ANO4: variants seen among roughly 807,000 people sequenced by gnomAD.
The protein encoded by ANO4 is anoctamin-4.
A neutral mutation model predicts 141.9 loss-of-function variants in ANO4; 69 were observed. The observed-to-expected ratio is 0.49, with a 90% CI of 0.40 to 0.59. The LOEUF is 0.59. Among genes scored for constraint, ANO4 ranks in the 20% least tolerant of loss-of-function variants. ANO4 has a pLI of 0.00. For missense variants in ANO4, 894 were observed against 1,162.2 expected (o/e 0.77, Z 3.36); for synonymous variants, 350 against 394.3 (o/e 0.89, Z 1.33).
At chr12:100,971,196 GC>G (rs2043919264) in intron 5 of ANO4, 109 bp from the exon 6 acceptor site, 2 of 647,046 alleles carry the variant, frequency 3.1e-6, no homozygotes, top group Non-Finnish European at 5.2e-6. Flanking sequence ...GGTGAGGAAT[GC>G]CCCAAATCAT....
chr12:100,735,515 G>T (rs1481424984), intron 2 of ANO4, among the ~76,000 whole-genome samples: 1 of 152,114 alleles, frequency 6.6e-6, no homozygotes, highest in African/African-American at 2.4e-5. Flanking sequence ...TTATTATGGT[G>T]GTGAACAGGA....
chr12:101,098,030 G>T, intron 21 of ANO4, 85 bp downstream of exon 21: 1 of 1,243,274 alleles, frequency 8.0e-7, no homozygotes, highest in South Asian at 1.3e-5. Context: ...AAGCAATGCA[G>T]ACTCAGCAGT....
intron 8 of ANO4, among the ~76,000 whole-genome samples, chr12:101,010,846 A>G (rs34318075): frequency 0.3 from 45,336 of 152,160 alleles, 7,432 homozygotes; most frequent in Non-Finnish European, 0.38. Flanking sequence ...GCTACATAAC[A>G]ATCTACTACA....
At position 100,730,615 on chromosome 12, in the gene ANO4, G is replaced by A. The variant is rs139218012; in HGVS notation, c.23-3159G>A. The stretch of plus-strand genomic sequence containing the variant: ...ATGCCAGCCACAGCACTAAACTCTG[G>A]AAATTGCAAATTGGATAACATGTGG... On this transcript the variant is annotated intron_variant, in intron 1 of 29. Coordinates refer to the ANO4 transcript ENST00000644049. 4.3e-3 allele frequency among the ~76,000 whole-genome samples: 654 copies of A among 152,200 alleles called. 8 individuals carry two copies. The highest frequency in any genetic ancestry group is 0.015 in the African/African-American group (609 of 41,512).
intron 1 of ANO4, among the ~76,000 whole-genome samples, chr12:100,818,908 T>A (rs1163146645): frequency 1.3e-5 from 2 of 151,860 alleles, no homozygotes; most frequent in Admixed American, 6.6e-5. Flanking sequence ...TTCAAAATTT[T>A]TGTAGTGCTA....
chr12:100,934,432 A>G (rs1005020399), intron 3 of ANO4, among the ~76,000 whole-genome samples: 10 of 151,378 alleles, frequency 6.6e-5, no homozygotes, highest in African/African-American at 2.2e-4. Context: ...ATTTCTGAGG[A>G]CTCTGTTCCG....
At chr12:100,856,602 G>A (rs906014317) in intron 1 of ANO4, among the ~76,000 whole-genome samples, 1 of 152,126 alleles carries the variant, frequency 6.6e-6, no homozygotes, top group African/African-American at 2.4e-5. Context: ...TTTCAGCTTG[G>A]CAAGAAGGAT....
At chr12:100,928,334 C>A (rs1469041746) in intron 3 of ANO4, among the ~76,000 whole-genome samples, 1 of 152,004 alleles carries the variant, frequency 6.6e-6, no homozygotes, top group African/African-American at 2.4e-5. Context: ...CTATGTAAAG[C>A]CTTTAACATA....
At chr12:101,068,150 A>G in intron 14 of ANO4, 1 of 839,626 alleles carries the variant, frequency 1.2e-6, no homozygotes, top group Non-Finnish European at 1.6e-6. Context: ...GGTTAAGAAA[A>G]AACAGGAGTT....
chr12:100,954,733 C>A lies in ANO4; in HGVS notation c.456+12198C>A, dbSNP rs59475980. ...TGAAATCTAACACCTGCCTTTGAGA[C>A]AGAGGAGCAGCTATTTCTGTTTTTT... On this transcript the variant is annotated intron_variant, in intron 5 of 27. Transcript: ENST00000392977. Among the ~76,000 whole-genome samples the A allele has an allele frequency of 1.3e-5, 2 of 152,158 alleles. 1 individual carries two copies. Among genetic ancestry groups the A allele is most frequent in the South Asian group, 4.1e-4 (2 of 4,830 alleles).
chr12:100,778,182 G>A, intron 3 of ANO4, among the ~76,000 whole-genome samples: 1 of 152,142 alleles, frequency 6.6e-6, no homozygotes, highest in Non-Finnish European at 1.5e-5. Context: ...GCCTCCCAAA[G>A]TGCTGGGATT....
intron 2 of ANO4, among the ~76,000 whole-genome samples, chr12:100,918,405 C>CT (rs1231239617): frequency 6.6e-6 from 1 of 152,172 alleles, no homozygotes; most frequent in East Asian, 1.9e-4. Flanking sequence ...CATTTCACAG[C>CT]TGAGGGATAA....
intron 22 of ANO4, among the ~76,000 whole-genome samples, chr12:101,106,199 C>T (rs1202090837): frequency 6.6e-6 from 1 of 151,980 alleles, no homozygotes; most frequent in Non-Finnish European, 1.5e-5. Flanking sequence ...AAAATCCAAA[C>T]AAGCCCAGAG....
chr12:100,989,116 C>T (rs1261608927), intron 8 of ANO4, among the ~76,000 whole-genome samples: 1 of 152,068 alleles, frequency 6.6e-6, no homozygotes, highest in South Asian at 2.1e-4. Context: ...CTGAAATAGC[C>T]GAGCTGATCC....
At chr12:100,945,352 A>C (rs1450899965) in intron 5 of ANO4, among the ~76,000 whole-genome samples, 1 of 152,210 alleles carries the variant, frequency 6.6e-6, no homozygotes, top group Non-Finnish European at 1.5e-5. Flanking sequence ...CTGATTAGTC[A>C]ACACATAAGT....
At chr12:100,926,255 G>A (rs752637802) in intron 3 of ANO4, among the ~76,000 whole-genome samples, 2 of 152,078 alleles carry the variant, frequency 1.3e-5, no homozygotes, top group African/African-American at 2.4e-5. Flanking sequence ...TACATTTACA[G>A]TATTTTATCT....
chr12:100,898,103 A>G (rs2040427661), intron 1 of ANO4, among the ~76,000 whole-genome samples: 2 of 152,222 alleles, frequency 1.3e-5, no homozygotes, highest in South Asian at 2.1e-4. Flanking sequence ...CCATTTGTAA[A>G]ACATAGATAC....
chr12:100,897,282 G>C (rs1333250316), intron 1 of ANO4, among the ~76,000 whole-genome samples: 1 of 152,206 alleles, frequency 6.6e-6, no homozygotes, highest in Non-Finnish European at 1.5e-5. Context: ...AGTTGGAGAG[G>C]AGGCTATCTG....
intron 7 of ANO4, among the ~76,000 whole-genome samples, chr12:100,976,979 A>G (rs2136292755): frequency 6.6e-6 from 1 of 152,306 alleles, no homozygotes. Flanking sequence ...TTGGGGTCAT[A>G]AAACCTATGT....
Sources: allele counts gnomAD v4.1 joint callset (sites outside exome capture counted in the v4.1 genomes callset), GRCh38; gene constraint gnomAD v4.1.1; transcripts MANE v1.5; gene names NCBI Gene and HGNC (gene_info 2026-07-23, HGNC 2026-07-21).